The following PTK2B variants were observed in gnomAD, a reference collection of about 807,000 sequenced individuals.
PTK2B encodes the protein protein tyrosine kinase 2 beta.
PTK2B carries 71 observed loss-of-function variants against 142.9 expected under a neutral mutation model. The ratio of observed to expected loss-of-function variants is 0.50; its 90% CI spans 0.41 to 0.61. The LOEUF is 0.61. Ranked by LOEUF, PTK2B falls within the 20% of genes least tolerant of loss-of-function variation. The pLI, the probability that PTK2B is intolerant of heterozygous loss-of-function variation, is 0.00. For missense variants in PTK2B, 1,105 were observed against 1,320.4 expected, an observed-to-expected ratio of 0.84 and a Z score of 2.53; for synonymous variants, 519 against 503.4, an observed-to-expected ratio of 1.03 and a Z score of -0.42.
chr8:27,433,596 G>T, intron 11 of PTK2B, 44 bp downstream of exon 11: 1 of 1,497,684 alleles, frequency 6.7e-7, no homozygotes, highest in Non-Finnish European at 9.3e-7. Context: ...ACGGGTGGCA[G>T]CACACCCGAG....
At chr8:27,316,891 T>C (rs1803107095) in intron 3 of PTK2B, among the ~76,000 whole-genome samples, 1 of 152,248 alleles carries the variant, frequency 6.6e-6, no homozygotes, top group Non-Finnish European at 1.5e-5. Flanking sequence ...CTGTATCATT[T>C]ATGATCTTTT....
chr8:27,383,630 CTT>C (rs1455875650), intron 1 of PTK2B, among the ~76,000 whole-genome samples: 3 of 152,176 alleles, frequency 2.0e-5, no homozygotes, highest in Non-Finnish European at 4.4e-5. Context: ...AATATCCTCT[CTT>C]ATTAAAATTA....
intron 1 of PTK2B, among the ~76,000 whole-genome samples, chr8:27,364,389 C>T (rs1805896353): frequency 6.6e-6 from 1 of 152,226 alleles, no homozygotes; most frequent in Non-Finnish European, 1.5e-5. Flanking sequence ...TTATTTCCAG[C>T]TTACCAGAAA....
chr8:27,396,804 G>A (rs1808076583), intron 1 of PTK2B, among the ~76,000 whole-genome samples: 1 of 152,292 alleles, frequency 6.6e-6, no homozygotes, highest in Non-Finnish European at 1.5e-5. Context: ...GTCAACCCAG[G>A]CTGTCTGCAG....
intron 1 of PTK2B, among the ~76,000 whole-genome samples, chr8:27,333,347 C>T (rs1158527874): frequency 6.6e-6 from 1 of 152,118 alleles, no homozygotes; most frequent in Non-Finnish European, 1.5e-5. Context: ...ATTCTGAAGG[C>T]AGTAGGAGCT....
In PTK2B at chr8:27,386,308, G is replaced by A. The variant is rs576151175; in HGVS notation, c.-37-11240G>A. ...TTCACACCCCTCGCCTTGGATAGAT[G>A]CGGTATGTTTCCCAACGTTGGGTAG... On this transcript the variant is annotated intron_variant, in intron 1 of 30. Coordinates refer to ENST00000346049, the MANE Select transcript of PTK2B (RefSeq NM_173176.3). 4.2e-4 allele frequency among the ~76,000 whole-genome samples: 64 copies of A among 152,266 alleles called. 1 individual carries two copies. In the South Asian group the frequency reaches 0.012, roughly 29 times the overall value.
chr8:27,440,493 G>T, intron 21 of PTK2B, 52 bp downstream of exon 21: 1 of 1,575,010 alleles, frequency 6.3e-7, no homozygotes, highest in Non-Finnish European at 8.7e-7. Flanking sequence ...CTGCACCAGG[G>T]AGCAAGACCA....
intron 23 of PTK2B, among the ~76,000 whole-genome samples, 185 bp downstream of exon 23, chr8:27,444,456 C>T (rs1811342986): frequency 6.6e-6 from 1 of 152,178 alleles, no homozygotes; most frequent in Non-Finnish European, 1.5e-5. Context: ...ATGCAGTTCT[C>T]CCAGGCTGTG....
intron 1 of PTK2B, among the ~76,000 whole-genome samples, chr8:27,327,082 CAAGAG>C: frequency 6.6e-6 from 1 of 152,138 alleles, no homozygotes; most frequent in Non-Finnish European, 1.5e-5. Flanking sequence ...GAAATTAGCA[CAAGAG>C]AAGAGGGGAA....
At chr8:27,329,681 C>T (rs937517638) in intron 1 of PTK2B, among the ~76,000 whole-genome samples, 7 of 151,974 alleles carry the variant, frequency 4.6e-5, no homozygotes, top group East Asian at 1.9e-4. Context: ...TTGTAGAGTA[C>T]GGGTCAGTTC....
intron 1 of PTK2B, among the ~76,000 whole-genome samples, chr8:27,338,375 A>G (rs531954495): frequency 1.3e-5 from 2 of 151,288 alleles, no homozygotes; most frequent in South Asian, 4.2e-4. Context: ...TATACAATGG[A>G]CTTTGGGGGA....
At chr8:27,339,482 C>T (rs11991258) in intron 1 of PTK2B, among the ~76,000 whole-genome samples, 2,524 of 152,202 alleles carry the variant, frequency 0.017, 73 homozygotes, top group African/African-American at 0.057. Context: ...TGTCAGCTGG[C>T]AAATGGTACT....
intron 21 of PTK2B, among the ~76,000 whole-genome samples, chr8:27,442,515 T>C (rs1811213547): frequency 6.6e-6 from 1 of 152,178 alleles, no homozygotes; most frequent in Admixed American, 6.5e-5. Flanking sequence ...GGCTGGGACT[T>C]TGGAAATCTA....
At chr8:27,381,154 A>G (rs1806994630) in intron 1 of PTK2B, among the ~76,000 whole-genome samples, 1 of 152,238 alleles carries the variant, frequency 6.6e-6, no homozygotes, top group Non-Finnish European at 1.5e-5. Flanking sequence ...AGTAATTACC[A>G]TATTCATCAT....
At chr8:27,454,008 C>A in intron 28 of PTK2B, 146 bp from the exon 29 acceptor site, 1 of 1,178,090 alleles carries the variant, frequency 8.5e-7, no homozygotes, top group East Asian at 2.4e-5. Flanking sequence ...GCAATGCACC[C>A]CGGGACAGGG....
At chr8:27,360,048 A>G (rs897638233) in intron 1 of PTK2B, among the ~76,000 whole-genome samples, 1 of 152,108 alleles carries the variant, frequency 6.6e-6, no homozygotes, top group Non-Finnish European at 1.5e-5. Flanking sequence ...TACCACTCGG[A>G]TGTGATTAAG....
intron 29 of PTK2B, 31 bp downstream of exon 29, chr8:27,454,322 G>C: frequency 6.2e-7 from 1 of 1,603,104 alleles, no homozygotes; most frequent in Non-Finnish European, 8.5e-7. Flanking sequence ...GGGAGGTGGA[G>C]GCGGCTCAAG....
At chr8:27,428,491 G>A (rs1463079923) in intron 5 of PTK2B, among the ~76,000 whole-genome samples, 1 of 152,212 alleles carries the variant, frequency 6.6e-6, no homozygotes, top group South Asian at 2.1e-4. Flanking sequence ...AGAAGTAAGG[G>A]TAGGGAAGAA....
chr8:27,429,891 G>A (rs1237812899), intron 5 of PTK2B, among the ~76,000 whole-genome samples: 1 of 152,184 alleles, frequency 6.6e-6, no homozygotes, highest in African/African-American at 2.4e-5. Context: ...CAAGGCTGGA[G>A]TCTTTTCTTG....
Sources: allele counts gnomAD v4.1 joint callset (sites outside exome capture counted in the v4.1 genomes callset), GRCh38; gene constraint gnomAD v4.1.1; transcripts MANE v1.5; gene names NCBI Gene and HGNC (gene_info 2026-07-23, HGNC 2026-07-21).